The following SIK2 variants were observed in gnomAD, a reference collection of about 807,000 sequenced individuals.
SIK2 encodes serine/threonine-protein kinase SIK2.
Under a neutral mutation model 103.2 loss-of-function variants are expected in SIK2, and 29 were observed. The ratio of observed to expected loss-of-function variants is 0.28; its 90% CI spans 0.21 to 0.38. The LOEUF (loss-of-function observed/expected upper bound fraction) is 0.38. Ranked by LOEUF, SIK2 falls within the 10% of genes least tolerant of loss-of-function variation. The probability of loss-of-function intolerance (pLI) is 1.00; values close to 1 mark genes in which losing one functional copy is unlikely to be tolerated. For missense variants in SIK2, 879 were observed against 1,171.0 expected, an observed-to-expected ratio of 0.75 and a Z score of 3.64; for synonymous variants, 412 against 446.1, an observed-to-expected ratio of 0.92 and a Z score of 0.96.
intron 3 of SIK2, among the ~76,000 whole-genome samples, chr11:111,681,257 T>C (rs897063726): frequency 6.6e-6 from 1 of 152,238 alleles, no homozygotes; most frequent in Non-Finnish European, 1.5e-5. Flanking sequence ...TATATGTGCA[T>C]GTGTATCTAT....
chr11:111,692,388 A>AAAAAAAAAAC (rs1942967737), intron 4 of SIK2, among the ~76,000 whole-genome samples: 8 of 110,916 alleles, frequency 7.2e-5, no homozygotes, highest in Non-Finnish European at 5.9e-5. Flanking sequence ...AAAAAAAAAA[A>AAAAAAAAAAC]CACAAAAAGG....
intron 3 of SIK2, among the ~76,000 whole-genome samples, chr11:111,659,665 A>G (rs1160437302): frequency 6.6e-6 from 1 of 151,896 alleles, no homozygotes; most frequent in African/African-American, 2.4e-5. Context: ...GCTCACTGGC[A>G]GCTTCCGTCT....
chr11:111,661,387 G>A (rs1565338650), intron 3 of SIK2, among the ~76,000 whole-genome samples: 1 of 152,196 alleles, frequency 6.6e-6, no homozygotes, highest in East Asian at 1.9e-4. Flanking sequence ...AAAGACAGCT[G>A]TCTTCTTTTC....
rs1942856685 is a variant in SIK2 at position 111,687,128 on chromosome 11, A to T, written c.317-873A>T. Among the ~76,000 whole-genome samples, 2 of 152,198 alleles carry T rather than the reference A, an allele frequency of 1.3e-5. 1 individual carries two copies. Among genetic ancestry groups the T allele is most frequent in the Non-Finnish European group, 2.9e-5 (2 of 68,030 alleles). On this transcript the variant is annotated intron_variant, in intron 3 of 14. Coordinates refer to ENST00000304987, the MANE Select transcript of SIK2 (RefSeq NM_015191.3). ...GAGAGAGTACCTAGACATTAAAAAAATCATGTTGAGTTGTACTGTGAATAT... is the reference window on the plus strand; with the variant it reads ...GAGAGAGTACCTAGACATTAAAAAATTCATGTTGAGTTGTACTGTGAATAT...
Position 111,730,656 on chromosome 11 carries a change from T to C in SIK2, c.*6527T>C, listed in dbSNP as rs1944159791. On this transcript the variant is annotated 3_prime_UTR_variant, in exon 15 of 15. Transcript: ENST00000304987. The stretch of plus-strand genomic sequence containing the variant: ...GTAGCTTTGGTATTATGAGTGCAAA[T>C]CATAATAGCTCCAATGTGAAAAAAA... The C allele has an allele frequency of 6.6e-6, 1 of 152,074 alleles. No homozygotes were observed. Among genetic ancestry groups the C allele is most frequent in the African/African-American group, 2.4e-5 (1 of 41,402 alleles). 9.4% of individuals were successfully genotyped at this position (152,074 alleles called of 1,614,324 possible). A position where few individuals can be genotyped will look rare whatever the true frequency, so the allele number is the denominator to read the frequency against.
rs1233868426 is a variant in SIK2, at chr11:111,727,983, G to A, written c.*3854G>A. The A allele has an allele frequency of 6.6e-6, 1 of 152,146 alleles. No individual in the cohort carries two copies. The highest frequency in any genetic ancestry group is 1.9e-4 in the East Asian group (1 of 5,194). 9.4% of individuals were successfully genotyped at this position (152,146 alleles called of 1,614,324 possible). A position where few individuals can be genotyped will look rare whatever the true frequency, so the allele number is the denominator to read the frequency against. On this transcript the variant is annotated 3_prime_UTR_variant, in exon 15 of 15. Coordinates refer to ENST00000304987, the MANE Select transcript of SIK2 (RefSeq NM_015191.3). ...ACAGTCACATTTAAGCTCCCTATTG[G>A]TTTAAAGAAAATTCATACTCCAGGT...
At chr11:111,616,871 T>C (rs79474595) in intron 2 of SIK2, among the ~76,000 whole-genome samples, 6,179 of 152,172 alleles carry the variant, frequency 0.041, 432 homozygotes, top group African/African-American at 0.14. Flanking sequence ...ATACGCTGCT[T>C]TTTAACTGCA....
intron 3 of SIK2, among the ~76,000 whole-genome samples, chr11:111,647,560 TC>T (rs1942273459): frequency 4.5e-5 from 2 of 44,052 alleles, no homozygotes; most frequent in Non-Finnish European, 8.2e-5. Flanking sequence ...GACCCCCATC[TC>T]GAAAAAAAAA....
At chr11:111,664,359 A>T (rs1428615938) in intron 3 of SIK2, among the ~76,000 whole-genome samples, 2 of 152,138 alleles carry the variant, frequency 1.3e-5, no homozygotes, top group Non-Finnish European at 2.9e-5. Flanking sequence ...ACGGTGGCTC[A>T]CACCTGTAAT....
chr11:111,607,094 A>G (rs1169600078), intron 1 of SIK2, among the ~76,000 whole-genome samples: 2 of 152,184 alleles, frequency 1.3e-5, no homozygotes, highest in East Asian at 1.9e-4. Context: ...TACCTCTCAT[A>G]TTGCTTAGCT....
At chr11:111,677,794 T>C (rs139037845) in intron 3 of SIK2, among the ~76,000 whole-genome samples, 48 of 152,318 alleles carry the variant, frequency 3.2e-4, no homozygotes, top group African/African-American at 1.2e-3. Context: ...TTTTATTTCC[T>C]TGTGGTTCCC....
chr11:111,614,011 G>C (rs1941766551), intron 1 of SIK2, among the ~76,000 whole-genome samples: 3 of 151,090 alleles, frequency 2.0e-5, no homozygotes, highest in Admixed American at 1.3e-4. Context: ...TTTGACCCTT[G>C]AACAAGGCAG....
chr11:111,667,224 C>T (rs1486791524), intron 3 of SIK2, among the ~76,000 whole-genome samples: 1 of 151,612 alleles, frequency 6.6e-6, no homozygotes, highest in African/African-American at 2.4e-5. Context: ...GCTGGAAGAC[C>T]ATGCCCGGCC....
chr11:111,677,921 G>A (rs1208886137), intron 3 of SIK2, among the ~76,000 whole-genome samples: 2 of 152,150 alleles, frequency 1.3e-5, no homozygotes, highest in Non-Finnish European at 2.9e-5. Flanking sequence ...ATTTTTCAGT[G>A]CTTTTTACAA....
chr11:111,720,696 G>A lies in SIK2; in HGVS notation c.1714G>A (p.Val572Ile), dbSNP rs1943773557. Residue 572 changes from valine (V) to isoleucine (I), a missense_variant, in exon 11 of 15, where the codon GTC (valine) becomes ATC (isoleucine). Val to Ile is a conservative substitution (Grantham distance 29). Around this residue, in one of 7 missense-constraint regions of SIK2, gnomAD observed 8 missense variants for 31.8 expected, o/e 0.25. Transcript: ENST00000304987. ...MQALSSQKRE[V>I]HNRSPVSFRE... ...GGCTCTGAGCTCCCAGAAACGAGAGGTCCACAACAGGTCTCCAGTGAGCTT... is the reference window on the plus strand; with the variant it reads ...GGCTCTGAGCTCCCAGAAACGAGAGATCCACAACAGGTCTCCAGTGAGCTT... 1 of 1,613,622 alleles carries A rather than the reference G, an allele frequency of 6.2e-7. No homozygotes were observed. The highest frequency in any genetic ancestry group is 1.3e-5 in the African/African-American group (1 of 74,994).
Position 111,722,756 on chromosome 11 carries a change from G to A in SIK2, c.2147G>A (p.Arg716Lys), listed in dbSNP as rs143915033. 1.2e-6 allele frequency: 2 copies of A among 1,613,324 alleles called. No individual in the cohort carries two copies. Among genetic ancestry groups the A allele is most frequent in the African/African-American group, 2.7e-5 (2 of 75,020 alleles). ...CTTGAGCAGCAGCTGCAGGAACATA[G>A]GTGAGAAGGGGACTTTGGCCAAAGA... ...RSLEQQLQEH[R>K]LQQKRLFLQK... Residue 716 changes from arginine (R) to lysine (K), a missense_variant and splice_region_variant, in exon 14 of 15, where the codon AGG becomes AAG. Around this residue, in one of 7 missense-constraint regions of SIK2, gnomAD observed 375 missense variants for 416.3 expected, o/e 0.90. Coordinates refer to ENST00000304987, the MANE Select transcript of SIK2 (RefSeq NM_015191.3). The surrounding 1 kb of genome is among the most constrained non-coding windows in gnomAD (Gnocchi z 4.4).
chr11:111,679,383 C>T (rs1470379050), intron 3 of SIK2, among the ~76,000 whole-genome samples: 1 of 152,128 alleles, frequency 6.6e-6, no homozygotes, highest in African/African-American at 2.4e-5. Context: ...CTAACAGATG[C>T]GAACAGCCTA....
chr11:111,645,507 G>A (rs150432554), intron 3 of SIK2, among the ~76,000 whole-genome samples: 171 of 152,260 alleles, frequency 1.1e-3, no homozygotes, highest in African/African-American at 3.9e-3. Flanking sequence ...GACTATGTGC[G>A]TAGTAAAATT....
intron 9 of SIK2, among the ~76,000 whole-genome samples, chr11:111,717,781 T>C (rs1300653874): frequency 1.3e-5 from 2 of 152,220 alleles, no homozygotes; most frequent in African/African-American, 4.8e-5. Flanking sequence ...AATGAGATCA[T>C]GTCCTTTGCA....
Sources: gnomAD v4.1 joint callset for allele counts (sites outside exome capture counted in the v4.1 genomes callset) on GRCh38, gnomAD v4.1.1 for gene constraint, gnomAD v4.1.1 regional missense constraint, Gnocchi (gnomAD v3.1) non-coding constraint, MANE v1.5 for transcripts, NCBI Gene and HGNC (gene_info 2026-07-23, HGNC 2026-07-21) for gene names.